The following MPRIP variants were observed in gnomAD, a reference collection of about 807,000 sequenced individuals.
The protein encoded by MPRIP is myosin phosphatase Rho interacting protein.
Under a neutral mutation model 234.9 loss-of-function variants are expected in MPRIP, and 59 were observed. The ratio of observed to expected loss-of-function variants is 0.25; its 90% CI spans 0.20 to 0.31. The LOEUF (loss-of-function observed/expected upper bound fraction) is 0.31, where lower values mean the gene tolerates loss of function less well. Ranked by LOEUF, MPRIP falls within the 10% of genes least tolerant of loss-of-function variation. The pLI, the probability that MPRIP is intolerant of heterozygous loss-of-function variation, is 1.00. For synonymous variants in MPRIP, 1,144 were observed against 1,263.9 expected (o/e 0.91, Z 2.01); for missense variants, 2,436 against 3,071.0 (o/e 0.79, Z 4.89).
chr17:17,158,674 G>A lies in MPRIP; in HGVS notation c.2072G>A (p.Arg691His), dbSNP rs376212629. Reference sequence around the variant, plus strand: ...CCTGCTGACACCCACGAGCCCCTGCGCCCTGAGGCGGAGCCTGGGGAGCTG... The same window carrying A: ...CCTGCTGACACCCACGAGCCCCTGCACCCTGAGGCGGAGCCTGGGGAGCTG... ...VGPADTHEPL[R>H]PEAEPGELER... The change falls in exon 14 of 24, where the codon CGC (arginine) becomes CAC (histidine). Residue 691 changes from arginine (R) to histidine (H), a missense_variant. Transcript: ENST00000651222. The A allele has an allele frequency of 2.1e-5, 33 of 1,607,092 alleles. No homozygotes were observed. Among genetic ancestry groups the A allele is most frequent in the South Asian group, 2.0e-4 (18 of 90,776 alleles).
chr17:17,161,747 T>C (rs2045875931), intron 15 of MPRIP, among the ~76,000 whole-genome samples: 1 of 152,246 alleles, frequency 6.6e-6, no homozygotes, highest in South Asian at 2.1e-4. Flanking sequence ...ATTGAAGACA[T>C]TGAATCACAC....
chr17:17,158,465 C>T lies in MPRIP; in HGVS notation c.1863C>T (p.Cys621=), dbSNP rs1267370721. 6.3e-7 allele frequency: 1 copy of T among 1,588,756 alleles called. No individual in the cohort carries two copies. Among genetic ancestry groups the T allele is most frequent in the Non-Finnish European group, 8.6e-7 (1 of 1,169,004 alleles). The part of the protein sequence containing the change: ...SLPEEKNKSS[C]SFETCPRPTE... ...CAGAGGAAAAAAACAAGAGCAGCTG[C>T]TCTTTTGAGACCTGCCCGAGGCCTA... The change falls in exon 14 of 24, where the codon TGC becomes TGT. Residue 621 remains cysteine (C), a synonymous_variant. Coordinates refer to ENST00000651222, the MANE Select transcript of MPRIP (RefSeq NM_001364716.4).
chr17:17,103,906 T>C (rs932721184), intron 3 of MPRIP, among the ~76,000 whole-genome samples: 2 of 152,106 alleles, frequency 1.3e-5, no homozygotes, highest in Admixed American at 1.3e-4. Context: ...TTTTTAGCAG[T>C]GAGATATCTC....
At chr17:17,142,529 A>G in intron 7 of MPRIP, 98 bp from the exon 8 acceptor site, 2 of 1,423,386 alleles carry the variant, frequency 1.4e-6, no homozygotes, top group Admixed American at 3.7e-5. Flanking sequence ...CCTGAGGGGA[A>G]TCAGGCCCGG....
At chr17:17,129,110 C>T (rs898913228) in intron 4 of MPRIP, among the ~76,000 whole-genome samples, 1 of 152,174 alleles carries the variant, frequency 6.6e-6, no homozygotes, top group Non-Finnish European at 1.5e-5. Flanking sequence ...TCTCCTGGGC[C>T]TGGGTAGAGG....
At chr17:17,089,131 GGT>G (rs2089656908) in intron 3 of MPRIP, among the ~76,000 whole-genome samples, 1 of 152,230 alleles carries the variant, frequency 6.6e-6, no homozygotes, top group Non-Finnish European at 1.5e-5. Flanking sequence ...CAACATGGCA[GGT>G]GTGTTTGTTT....
chr17:17,085,845 A>G (rs1256780181), intron 3 of MPRIP, among the ~76,000 whole-genome samples: 1 of 152,186 alleles, frequency 6.6e-6, no homozygotes, highest in African/African-American at 2.4e-5. Flanking sequence ...CCCGGGAGGC[A>G]GAGCTTGCAG....
At chr17:17,156,722 C>T (rs1485472211) in intron 13 of MPRIP, among the ~76,000 whole-genome samples, 1 of 152,204 alleles carries the variant, frequency 6.6e-6, no homozygotes, top group East Asian at 1.9e-4. Context: ...GCATGCCCTG[C>T]CCTATGTGTC....
chr17:17,141,548 T>A (rs1476376626), intron 7 of MPRIP: 1 of 152,362 alleles, frequency 6.6e-6, no homozygotes. Flanking sequence ...CGCCCTCCTC[T>A]CTCCGGGGGT....
chr17:17,085,842 G>A (rs2089577937), intron 3 of MPRIP, among the ~76,000 whole-genome samples: 1 of 152,180 alleles, frequency 6.6e-6, no homozygotes, highest in African/African-American at 2.4e-5. Context: ...GATCCCGGGA[G>A]GCAGAGCTTG....
At chr17:17,084,233 C>T (rs2089533147) in intron 3 of MPRIP, among the ~76,000 whole-genome samples, 1 of 152,198 alleles carries the variant, frequency 6.6e-6, no homozygotes, top group South Asian at 2.1e-4. Flanking sequence ...TGGTGAAGCT[C>T]ATACCTTTCA....
intron 3 of MPRIP, chr17:17,096,764 C>G (rs1259847263): frequency 2.1e-6 from 1 of 471,092 alleles, no homozygotes; most frequent in Admixed American, 2.3e-5. Flanking sequence ...TTTCCTCACT[C>G]CAGATGTCTT....
Position 17,176,513 on chromosome 17 carries a change from G to T in MPRIP, c.6957+1G>T. 1.9e-6 allele frequency: 3 copies of T among 1,612,504 alleles called. No homozygotes were observed. Among genetic ancestry groups the T allele is most frequent in the South Asian group, 1.1e-5 (1 of 91,062 alleles). On this transcript the variant is annotated splice_donor_variant, in intron 21 of 23. Transcript: ENST00000651222. LOFTEE classifies it high-confidence loss of function. Reference sequence around the variant, plus strand: ...GGATGAGCTGCAGACGGCACTGCGGGTAAGGCCACCGCACCACAGGAGGGC... The same window carrying T: ...GGATGAGCTGCAGACGGCACTGCGGTTAAGGCCACCGCACCACAGGAGGGC...
intron 1 of MPRIP, among the ~76,000 whole-genome samples, chr17:17,057,233 T>G (rs1311211732): frequency 1.3e-5 from 2 of 152,218 alleles, no homozygotes; most frequent in African/African-American, 4.8e-5. Context: ...CAGAGGAGTC[T>G]GGGATGGAAA....
At chr17:17,174,129 T>C (rs2046204603) in intron 19 of MPRIP, 54 bp downstream of exon 19, 1 of 1,591,224 alleles carries the variant, frequency 6.3e-7, no homozygotes, top group African/African-American at 1.3e-5. Context: ...CAAGGTCAGG[T>C]AGACCCATAG....
chr17:17,063,836 G>A (rs1019724550), intron 1 of MPRIP, among the ~76,000 whole-genome samples: 2 of 152,232 alleles, frequency 1.3e-5, no homozygotes, highest in Non-Finnish European at 2.9e-5. Context: ...CGTCTGAGAC[G>A]CATCAGTGGT....
At chr17:17,056,610 T>A (rs938879237) in intron 1 of MPRIP, among the ~76,000 whole-genome samples, 1 of 149,512 alleles carries the variant, frequency 6.7e-6, no homozygotes, top group Admixed American at 6.6e-5. Flanking sequence ...TCCTTGGTTT[T>A]GAGGGGTTTT....
Position 17,078,166 on chromosome 17 carries a change from A to T in MPRIP, c.267+90A>T. 7.7e-7 allele frequency: 1 copy of T among 1,295,374 alleles called. No individual in the cohort carries two copies. The highest frequency in any genetic ancestry group is 1.1e-6 in the Non-Finnish European group (1 of 896,166). The allele number at this position is 1,295,374 out of a possible 1,614,324, so 80.2% of individuals were successfully genotyped here. On this transcript the variant is annotated intron_variant, in intron 3 of 23. Transcript: ENST00000651222. The surrounding 1 kb of genome is among the most constrained non-coding windows in gnomAD (Gnocchi z 4.3). ...TTGCGTTGTCATGTGAGAGCACAGC[A>T]GCCATGTGCTCCTGCTTGTGTCTGT...
intron 2 of MPRIP, 25 bp from the exon 3 acceptor site, chr17:17,077,986 C>T (rs1301056589): frequency 6.2e-7 from 1 of 1,613,804 alleles, no homozygotes; most frequent in Non-Finnish European, 8.5e-7. Flanking sequence ...ATCCTCCTAA[C>T]CACCCACCTT....
Sources: gnomAD v4.1 joint callset for allele counts (sites outside exome capture counted in the v4.1 genomes callset) on GRCh38, gnomAD v4.1.1 for gene constraint, Gnocchi (gnomAD v3.1) non-coding constraint, MANE v1.5 for transcripts, NCBI Gene and HGNC (gene_info 2026-07-23, HGNC 2026-07-21) for gene names.